Variants in PCDH11Y observed in about 807,000 individuals in gnomAD.
The protein encoded by PCDH11Y is protocadherin-11 Y-linked.
For synonymous variants in PCDH11Y, 9 were observed against 83.6 expected (o/e 0.11, Z 4.87); for missense variants, 12 against 224.8 (o/e 0.05, Z 6.05).
intron 2 of PCDH11Y, among the ~76,000 whole-genome samples, chrY:5,436,428 C>T (rs1602925229): frequency 9.0e-5 from 3 of 33,409 alleles, no homozygotes; most frequent in African/African-American, 3.5e-4. Context: ...CAAATAACAA[C>T]CAAAACAAAA....
intron 1 of PCDH11Y, among the ~76,000 whole-genome samples, chrY:5,094,727 A>G (rs2052747762): frequency 3.3e-5 from 1 of 30,668 alleles, no homozygotes; most frequent in Non-Finnish European, 8.0e-5. Context: ...GGGTAGTGCA[A>G]GTAGGAACTG....
intron 4 of PCDH11Y, among the ~76,000 whole-genome samples, chrY:5,659,597 A>G: frequency 3.4e-5 from 1 of 29,739 alleles, no homozygotes; most frequent in African/African-American, 1.3e-4. Flanking sequence ...ACCACTACTT[A>G]TGTTCACTTA....
intron 2 of PCDH11Y, among the ~76,000 whole-genome samples, chrY:5,471,527 G>A: frequency 3.1e-5 from 1 of 32,351 alleles, no homozygotes; most frequent in African/African-American, 1.2e-4. Context: ...TCTCCATCAA[G>A]TTTTACTGTT....
intron 3 of PCDH11Y, among the ~76,000 whole-genome samples, chrY:5,046,720 G>A (rs2052642050): frequency 3.1e-5 from 1 of 32,613 alleles, no homozygotes; most frequent in East Asian, 8.2e-4. Flanking sequence ...CCTCGCTGCC[G>A]CCTTGCAGTT....
intron 2 of PCDH11Y, among the ~76,000 whole-genome samples, chrY:5,355,457 C>T: frequency 3.2e-5 from 1 of 31,252 alleles, no homozygotes; most frequent in Non-Finnish European, 7.7e-5. Flanking sequence ...GTTTGATATA[C>T]TCGACATTCT....
intron 4 of PCDH11Y, among the ~76,000 whole-genome samples, chrY:5,641,569 C>T: frequency 3.0e-5 from 1 of 33,140 alleles, no homozygotes; most frequent in Non-Finnish European, 7.5e-5. Flanking sequence ...ATAACACACA[C>T]ATTTATTGAT....
chrY:5,192,067 A>G (rs2052913191), intron 2 of PCDH11Y, among the ~76,000 whole-genome samples: 1 of 32,424 alleles, frequency 3.1e-5, no homozygotes, highest in African/African-American at 1.2e-4. Flanking sequence ...ACAGGAGCTC[A>G]AACCCTATTG....
chrY:5,027,652 T>TA (rs2052581055), intron 1 of PCDH11Y, among the ~76,000 whole-genome samples: 2 of 11,006 alleles, frequency 1.8e-4, no homozygotes, highest in African/African-American at 6.0e-4. Flanking sequence ...CTTGCTAGAA[T>TA]AAAAAAAAAT....
chrY:5,232,821 G>GGTTC (rs2052969291), intron 2 of PCDH11Y, among the ~76,000 whole-genome samples: 1 of 31,978 alleles, frequency 3.1e-5, no homozygotes, highest in Non-Finnish European at 7.6e-5. Flanking sequence ...GACAGAGTGT[G>GGTTC]GTAGCCTTTG....
At chrY:5,640,871 T>G in intron 4 of PCDH11Y, among the ~76,000 whole-genome samples, 1 of 32,300 alleles carries the variant, frequency 3.1e-5, no homozygotes, top group East Asian at 8.0e-4. Flanking sequence ...CTTTTCTCTA[T>G]GAAAGTCCTA....
chrY:5,358,116 A>G (rs2053170111), intron 2 of PCDH11Y, among the ~76,000 whole-genome samples: 1 of 33,168 alleles, frequency 3.0e-5, no homozygotes, highest in South Asian at 6.7e-4. Context: ...TTGTATTTTT[A>G]GTAGAGTTGG....
At chrY:5,355,702 C>G (rs2053165217) in intron 2 of PCDH11Y, among the ~76,000 whole-genome samples, 1 of 33,068 alleles carries the variant, frequency 3.0e-5, no homozygotes, top group Non-Finnish European at 7.4e-5. Context: ...AGACAATATA[C>G]TCTGAATCAT....
chrY:5,327,839 G>A (rs2053124090), intron 2 of PCDH11Y, among the ~76,000 whole-genome samples: 15 of 32,566 alleles, frequency 4.6e-4, no homozygotes, highest in Non-Finnish European at 1.1e-3. Flanking sequence ...GCACCAGAGT[G>A]GGGGGAGTTT....
intron 2 of PCDH11Y, among the ~76,000 whole-genome samples, chrY:5,490,994 CAAGG>C (rs2053337785): frequency 2.9e-5 from 1 of 34,000 alleles, no homozygotes. Context: ...CACCCACAAA[CAAGG>C]GAGGGAAGCA....
At chrY:5,724,309 T>A in intron 4 of PCDH11Y, among the ~76,000 whole-genome samples, 2 of 33,906 alleles carry the variant, frequency 5.9e-5, no homozygotes, top group Non-Finnish European at 1.5e-4. Flanking sequence ...AAAAGAAATT[T>A]GGAAAATTAA....
At chrY:5,123,831 G>C (rs1602871815) in intron 2 of PCDH11Y, among the ~76,000 whole-genome samples, 1 of 32,869 alleles carries the variant, frequency 3.0e-5, no homozygotes, top group East Asian at 8.0e-4. Flanking sequence ...AATTAAAATA[G>C]GTATCCCAAG....
At chrY:5,651,459 T>C in intron 4 of PCDH11Y, among the ~76,000 whole-genome samples, 2 of 33,138 alleles carry the variant, frequency 6.0e-5, no homozygotes, top group South Asian at 1.3e-3. Flanking sequence ...TTCTATTAGA[T>C]TTATTTTCTC....
intron 2 of PCDH11Y, among the ~76,000 whole-genome samples, chrY:5,121,765 C>T (rs1602871443): frequency 9.1e-5 from 3 of 32,846 alleles, no homozygotes; most frequent in East Asian, 1.6e-3. Context: ...ACACCAATCC[C>T]CAACCTAAAT....
intron 2 of PCDH11Y, among the ~76,000 whole-genome samples, chrY:5,436,526 A>G (rs2053275361): frequency 3.0e-5 from 1 of 33,295 alleles, no homozygotes; most frequent in Non-Finnish European, 7.4e-5. Flanking sequence ...AGTTATTTTT[A>G]TCATCAGTTT....
Sources: allele counts gnomAD v4.1 joint callset (sites outside exome capture counted in the v4.1 genomes callset), GRCh38; gene constraint gnomAD v4.1.1; transcripts MANE v1.5; gene names NCBI Gene and HGNC (gene_info 2026-07-23, HGNC 2026-07-21).